KIF26B: variants seen among roughly 807,000 people sequenced by gnomAD.
The protein encoded by KIF26B is kinesin-like protein KIF26B.
A neutral mutation model predicts 151.2 loss-of-function variants in KIF26B; 63 were observed. That is an observed-to-expected ratio of 0.42 (90% CI 0.34 to 0.51). The LOEUF is 0.51. KIF26B is among the 20% of genes least tolerant of loss of function. The pLI is 0.07. For missense variants in KIF26B, 2,813 were observed against 2,913.6 expected (o/e 0.97, Z 0.79); for synonymous variants, 1,357 against 1,262.1 (o/e 1.08, Z -1.59).
In KIF26B at chr1:245,552,761, G is replaced by A. The variant is rs1661924110; in HGVS notation, c.1350+11811G>A. On this transcript the variant is annotated intron_variant, in intron 5 of 14. Transcript: ENST00000407071. ...ATTACAGGCACATGCCACCACTCCCGGCTAATTTTTGTATTTTTTATGGAG... is the reference window on the plus strand; with the variant it reads ...ATTACAGGCACATGCCACCACTCCCAGCTAATTTTTGTATTTTTTATGGAG... Among the ~76,000 whole-genome samples, 4 of 152,106 alleles carry A rather than the reference G, an allele frequency of 2.6e-5. No individual in the cohort carries two copies. In the South Asian group the frequency reaches 6.2e-4, roughly 24 times the overall value.
At chr1:245,554,312 C>T (rs1174484669) in intron 5 of KIF26B, among the ~76,000 whole-genome samples, 1 of 152,204 alleles carries the variant, frequency 6.6e-6, no homozygotes, top group African/African-American at 2.4e-5. Flanking sequence ...ACAGACAGAA[C>T]TCCCTGAACT....
chr1:245,388,699 C>G (rs967058405), intron 3 of KIF26B, among the ~76,000 whole-genome samples: 2 of 152,164 alleles, frequency 1.3e-5, no homozygotes, highest in Non-Finnish European at 1.5e-5. Flanking sequence ...CTCCCATAGC[C>G]CTTTCAGCAC....
intron 2 of KIF26B, among the ~76,000 whole-genome samples, chr1:245,314,394 G>A (rs1236498954): frequency 1.3e-5 from 2 of 152,184 alleles, no homozygotes; most frequent in Non-Finnish European, 2.9e-5. Flanking sequence ...AGAGGTTGCA[G>A]TGAGTCGAGA....
chr1:245,701,881 C>T (rs886092146), intron 14 of KIF26B, among the ~76,000 whole-genome samples: 14 of 152,154 alleles, frequency 9.2e-5, no homozygotes, highest in African/African-American at 2.9e-4. Flanking sequence ...TCCCTCTGCC[C>T]GGCCACCTCT....
chr1:245,162,420 C>G (rs1668547925), intron 2 of KIF26B, among the ~76,000 whole-genome samples: 1 of 110,246 alleles, frequency 9.1e-6, no homozygotes. Flanking sequence ...GAGTCTCGCT[C>G]TGTTGCCCAG....
chr1:245,626,141 T>G (rs1022291472), intron 9 of KIF26B, among the ~76,000 whole-genome samples: 4 of 152,204 alleles, frequency 2.6e-5, no homozygotes, highest in African/African-American at 9.6e-5. Flanking sequence ...TGTTGGACAC[T>G]TAGGTTGATT....
chr1:245,444,672 G>T (rs552001573), intron 4 of KIF26B, among the ~76,000 whole-genome samples: 2 of 152,182 alleles, frequency 1.3e-5, no homozygotes, highest in African/African-American at 4.8e-5. Flanking sequence ...AGTTCACGTT[G>T]TTTGATATAA....
chr1:245,343,807 T>C (rs1346924896), intron 2 of KIF26B, among the ~76,000 whole-genome samples: 3 of 152,226 alleles, frequency 2.0e-5, no homozygotes, highest in Admixed American at 2.0e-4. Context: ...GGCAGAGGTA[T>C]GGTTTTGATT....
intron 2 of KIF26B, among the ~76,000 whole-genome samples, chr1:245,287,916 T>C (rs1671194573): frequency 6.6e-6 from 1 of 152,054 alleles, no homozygotes; most frequent in African/African-American, 2.4e-5. Context: ...TACTTATTTT[T>C]CCCACCATCT....
chr1:245,534,191 C>A (rs1391518201), intron 4 of KIF26B, among the ~76,000 whole-genome samples: 3 of 151,688 alleles, frequency 2.0e-5, no homozygotes, highest in African/African-American at 4.9e-5. Context: ...GAGACAGAGT[C>A]TCGTGCTGTC....
intron 2 of KIF26B, among the ~76,000 whole-genome samples, chr1:245,182,939 T>C (rs541410184): frequency 2.0e-5 from 3 of 152,326 alleles, no homozygotes; most frequent in South Asian, 2.1e-4. Flanking sequence ...CCCGGCCCCA[T>C]TGAGAAACTT....
At chr1:245,316,176 G>T (rs1257224623) in intron 2 of KIF26B, among the ~76,000 whole-genome samples, 1 of 150,240 alleles carries the variant, frequency 6.7e-6, no homozygotes, top group African/African-American at 2.5e-5. Flanking sequence ...CATTCTTGTT[G>T]CCCAGGATAG....
At chr1:245,326,331 G>A (rs1167745001) in intron 2 of KIF26B, among the ~76,000 whole-genome samples, 1 of 152,146 alleles carries the variant, frequency 6.6e-6, no homozygotes, top group Non-Finnish European at 1.5e-5. Flanking sequence ...TGATTTACTA[G>A]GTGGGTTATT....
intron 2 of KIF26B, among the ~76,000 whole-genome samples, chr1:245,190,058 G>A (rs911809262): frequency 2.1e-5 from 3 of 142,544 alleles, no homozygotes; most frequent in African/African-American, 7.8e-5. Flanking sequence ...TGGGAATTAT[G>A]GGAGCTACAA....
In KIF26B at chr1:245,498,944, A is replaced by G. The variant is rs56223766; in HGVS notation, c.1167-41823A>G. 6.1e-3 allele frequency among the ~76,000 whole-genome samples: 936 copies of G among 152,272 alleles called. 3 individuals are homozygous for G. The highest frequency in any genetic ancestry group is 0.011 in the Non-Finnish European group (751 of 68,016). On this transcript the variant is annotated intron_variant, in intron 4 of 14. Transcript: ENST00000407071. ...AGGAAAATGGGAAGTTTTTTTGTGC[A>G]TGTGTTAGATGGGAAGAGGAAAATT...
intron 4 of KIF26B, among the ~76,000 whole-genome samples, chr1:245,489,230 T>G (rs1259124706): frequency 6.6e-6 from 1 of 152,334 alleles, no homozygotes; most frequent in East Asian, 1.9e-4. Context: ...TGAAACACCC[T>G]AAGGAGAACT....
At chr1:245,312,462 C>T (rs924912348) in intron 2 of KIF26B, among the ~76,000 whole-genome samples, 5 of 151,954 alleles carry the variant, frequency 3.3e-5, no homozygotes, top group African/African-American at 9.7e-5. Context: ...TGTGTGTATG[C>T]GAGAGGAGGG....
At chr1:245,518,827 C>T (rs1286791445) in intron 4 of KIF26B, among the ~76,000 whole-genome samples, 1 of 152,132 alleles carries the variant, frequency 6.6e-6, no homozygotes, top group Admixed American at 6.5e-5. Context: ...TGTGGATTTT[C>T]AAATCTTTGA....
At chr1:245,287,377 GTTAT>G (rs1671180509) in intron 2 of KIF26B, among the ~76,000 whole-genome samples, 1 of 150,846 alleles carries the variant, frequency 6.6e-6, no homozygotes, top group East Asian at 2.0e-4. Flanking sequence ...TATTGTTTTA[GTTAT>G]TTCTAGTTTT....
Sources: allele counts gnomAD v4.1 joint callset (sites outside exome capture counted in the v4.1 genomes callset), GRCh38; gene constraint gnomAD v4.1.1; transcripts MANE v1.5; gene names NCBI Gene and HGNC (gene_info 2026-07-23, HGNC 2026-07-21).